The following NPSR1 variants were observed in gnomAD, a reference collection of about 807,000 sequenced individuals.
NPSR1 encodes the protein neuropeptide S receptor 1, also known as neuropeptide S receptor.
Under a neutral mutation model 46.9 loss-of-function variants are expected in NPSR1, and 48 were observed. That is an observed-to-expected ratio of 1.02 (90% confidence interval 0.81 to 1.30). The LOEUF (loss-of-function observed/expected upper bound fraction) is 1.30. Among genes scored for constraint, NPSR1 ranks in the 50% most tolerant of loss-of-function variants. The pLI is 0.00. For synonymous variants in NPSR1, 176 were observed against 168.1 expected (o/e 1.05, Z -0.36); for missense variants, 450 against 449.5 (o/e 1.00, Z -0.01).
chr7:34,840,477 GAGGAGAGA>G (rs146163632), intron 6 of NPSR1, among the ~76,000 whole-genome samples: 24,901 of 152,092 alleles, frequency 0.16, 2,224 homozygotes, highest in Non-Finnish European at 0.21. Flanking sequence ...GCACAGCACA[GAGGAGAGA>G]GGCCATTCCC....
intron 1 of NPSR1, among the ~76,000 whole-genome samples, chr7:34,661,274 T>C (rs34243509): frequency 0.021 from 3,175 of 152,178 alleles, 41 homozygotes; most frequent in Middle Eastern, 0.034. Context: ...CCCTATTCCA[T>C]TTCTAAGCCA....
intron 1 of NPSR1, among the ~76,000 whole-genome samples, chr7:34,663,337 C>T (rs112184209): frequency 7.9e-5 from 12 of 152,096 alleles, no homozygotes; most frequent in Admixed American, 2.6e-4. Flanking sequence ...TCAATCCCAG[C>T]GATAATTTCT....
chr7:34,690,750 T>C (rs1793208262), intron 2 of NPSR1, among the ~76,000 whole-genome samples: 3 of 152,140 alleles, frequency 2.0e-5, no homozygotes, highest in South Asian at 2.1e-4. Context: ...CACCCAAACC[T>C]ACAATTTATA....
chr7:34,676,038 G>A (rs1461235783), intron 1 of NPSR1, among the ~76,000 whole-genome samples: 4 of 152,142 alleles, frequency 2.6e-5, no homozygotes, highest in African/African-American at 9.7e-5. Context: ...GGTGGGTAGG[G>A]AGAATGCTTC....
At chr7:34,824,699 C>T (rs984089117) in intron 4 of NPSR1, among the ~76,000 whole-genome samples, 2 of 148,720 alleles carry the variant, frequency 1.3e-5, no homozygotes, top group African/African-American at 4.9e-5. Flanking sequence ...ACTGTTCATC[C>T]ATCAAGTGGA....
At chr7:34,778,602 A>G in intron 3 of NPSR1, 37 bp downstream of exon 3, 1 of 1,270,748 alleles carries the variant, frequency 7.9e-7, no homozygotes, top group Non-Finnish European at 1.1e-6. Context: ...AGACAAACTG[A>G]TACCAGAGTT....
intron 3 of NPSR1, among the ~76,000 whole-genome samples, chr7:34,795,461 G>A (rs1332386770): frequency 2.0e-5 from 3 of 152,008 alleles, no homozygotes; most frequent in Admixed American, 6.6e-5. Flanking sequence ...CTAATTGGAG[G>A]AGAGAAATAA....
chr7:34,802,438 C>G lies in NPSR1; in HGVS notation c.385-9332C>G, dbSNP rs1032515783. On this transcript the variant is annotated intron_variant, in intron 3 of 8. Transcript: ENST00000360581. ...ATATCTACAACTATCTGATCTTTGA[C>G]AAACCTGAGAAAAACAAGCAATGGG... 6.0e-5 allele frequency among the ~76,000 whole-genome samples: 9 copies of G among 150,108 alleles called. 1 individual carries two copies. The highest frequency in any genetic ancestry group is 1.3e-4 in the African/African-American group (5 of 39,530).
chr7:34,719,912 TG>T (rs993269949), intron 2 of NPSR1: 1 of 151,508 alleles, frequency 6.6e-6, no homozygotes, highest in African/African-American at 2.4e-5. Context: ...GTAAGGCAGA[TG>T]GAGCTGCATT....
At chr7:34,739,551 A>C (rs1451091635) in intron 2 of NPSR1, among the ~76,000 whole-genome samples, 1 of 152,146 alleles carries the variant, frequency 6.6e-6, no homozygotes. Context: ...GAGAAATGTC[A>C]CTTAAGTCCT....
chr7:34,822,991 C>T (rs1056188744), intron 4 of NPSR1, among the ~76,000 whole-genome samples: 21 of 151,932 alleles, frequency 1.4e-4, no homozygotes, highest in African/African-American at 5.1e-4. Context: ...TTTTATGTAA[C>T]AGGCAAAGAA....
chr7:34,851,171 T>C (rs774944094), downstream of NPSR1, among the ~76,000 whole-genome samples: 1 of 147,780 alleles, frequency 6.8e-6, no homozygotes, highest in Non-Finnish European at 1.5e-5. Flanking sequence ...CCCAGAATTA[T>C]TCAGAGCTTA....
chr7:34,748,249 C>T (rs1785314174), intron 2 of NPSR1, among the ~76,000 whole-genome samples: 1 of 152,228 alleles, frequency 6.6e-6, no homozygotes, highest in South Asian at 2.1e-4. Context: ...AATGTTATTG[C>T]TCTAAGCATT....
At chr7:34,797,760 A>C (rs868225240) in intron 3 of NPSR1, among the ~76,000 whole-genome samples, 1 of 152,286 alleles carries the variant, frequency 6.6e-6, no homozygotes, top group African/African-American at 2.4e-5. Context: ...ACCAAAGACA[A>C]AGATAAAATC....
chr7:34,853,967 GA>G (rs35728366), downstream of NPSR1, among the ~76,000 whole-genome samples: 37 of 140,994 alleles, frequency 2.6e-4, no homozygotes, highest in Middle Eastern at 3.6e-3. Context: ...ACTCTGCCTG[GA>G]AAAAAAAAAA....
intron 2 of NPSR1, among the ~76,000 whole-genome samples, chr7:34,725,084 C>T (rs189958051): frequency 1.4e-5 from 2 of 144,488 alleles, no homozygotes; most frequent in Non-Finnish European, 3.0e-5. Flanking sequence ...TCTAAGTACC[C>T]ACACACACAC....
chr7:34,675,629 T>C (rs1583783576), intron 1 of NPSR1, among the ~76,000 whole-genome samples: 1 of 152,230 alleles, frequency 6.6e-6, no homozygotes, highest in East Asian at 1.9e-4. Context: ...CCTGCCAGCA[T>C]GGGCATCCTT....
chr7:34,845,462 A>C, intron 7 of NPSR1: 1 of 387,294 alleles, frequency 2.6e-6, no homozygotes, highest in Non-Finnish European at 5.0e-6. Context: ...CTTTCTCTCT[A>C]CTCTTAAGAC....
At chr7:34,703,244 G>A (rs890031524) in intron 2 of NPSR1, among the ~76,000 whole-genome samples, 9 of 152,154 alleles carry the variant, frequency 5.9e-5, no homozygotes, top group African/African-American at 1.7e-4. Context: ...GATGGCAGGC[G>A]CCTGTAGTCC....
Sources: gnomAD v4.1 joint callset for allele counts (sites outside exome capture counted in the v4.1 genomes callset) on GRCh38, gnomAD v4.1.1 for gene constraint, MANE v1.5 for transcripts, NCBI Gene and HGNC (gene_info 2026-07-23, HGNC 2026-07-21) for gene names.